The following TRIM62 variants were observed in gnomAD, a reference collection of about 807,000 sequenced individuals.
TRIM62 encodes the protein E3 ubiquitin-protein ligase TRIM62.
In TRIM62, 39 loss-of-function variants were observed where a neutral mutation model predicts 44.2. The ratio of observed to expected loss-of-function variants is 0.88; its 90% CI spans 0.68 to 1.15. The LOEUF (loss-of-function observed/expected upper bound fraction) is 1.15. TRIM62 is among the 50% of genes most tolerant of loss of function. The pLI is 0.00. For synonymous variants in TRIM62, 278 were observed against 292.3 expected, an observed-to-expected ratio of 0.95 and a Z score of 0.50; for missense variants, 544 against 665.5, an observed-to-expected ratio of 0.82 and a Z score of 2.01.
At chr1:33,180,915 A>G in intron 1 of TRIM62, 110 bp downstream of exon 1, 1 of 480,844 alleles carries the variant, frequency 2.1e-6, no homozygotes, top group Non-Finnish European at 2.8e-6. Context: ...GCCCCGCCCC[A>G]GGACCATTCT....
At chr1:33,176,340 C>T (rs1645418915) in intron 1 of TRIM62, 3 of 641,376 alleles carry the variant, frequency 4.7e-6, no homozygotes, top group Non-Finnish European at 5.9e-6. Flanking sequence ...AAATTTGAAC[C>T]TAGCCCCCAG....
chr1:33,159,587 G>T lies in TRIM62; in HGVS notation c.761+101C>A, dbSNP rs1645232285. On this transcript the variant is annotated intron_variant, in intron 3 of 4. Transcript: ENST00000291416. The surrounding 1 kb of genome is among the most constrained non-coding windows in gnomAD (Gnocchi z 4.2). ...ATGTTTGATGAAGATTTGAATGAAA[G>T]AATTCTCTGCTAAGGATCCCATCTG... is the stretch of plus-strand genomic sequence containing the variant. 3 of 1,438,040 alleles carry T rather than the reference G, an allele frequency of 2.1e-6. No individual in the cohort carries two copies. Among genetic ancestry groups the T allele is most frequent in the South Asian group, 1.4e-5 (1 of 72,048 alleles). 89.1% of individuals were successfully genotyped at this position (1,438,040 alleles called of 1,614,324 possible). A position where few individuals can be genotyped will look rare whatever the true frequency, so the allele number is the denominator to read the frequency against.
chr1:33,159,925 C>T lies in TRIM62; in HGVS notation c.524G>A (p.Arg175Gln), dbSNP rs748965484. The change falls in exon 3 of 5, where the codon CGG (arginine) becomes CAG (glutamine). Residue 175 changes from arginine (R) to glutamine (Q), a missense_variant. Coordinates refer to ENST00000291416, the MANE Select transcript of TRIM62 (RefSeq NM_018207.3). This position sits in a 1 kb window ranked among gnomAD's most constrained non-coding sequence, Gnocchi z 4.2. ...AETKSSTKSL[R>Q]TTIGEAFERL... ...CTCGAAGGCCTCGCCGATAGTGGTC[C>T]GCAGGCTCTTGGTGGAAGACTGTGG... 17 of 1,605,602 alleles carry T rather than the reference C, an allele frequency of 1.1e-5. No individual in the cohort carries two copies. Among genetic ancestry groups the T allele is most frequent in the South Asian group, 3.3e-5 (3 of 91,052 alleles).
intron 1 of TRIM62, among the ~76,000 whole-genome samples, chr1:33,176,918 G>A (rs1055830130): frequency 6.6e-6 from 1 of 152,164 alleles, no homozygotes; most frequent in Non-Finnish European, 1.5e-5. Flanking sequence ...GACTGGGCTC[G>A]ATGAATATTG....
intron 4 of TRIM62, among the ~76,000 whole-genome samples, chr1:33,157,547 A>G (rs1191702200): frequency 6.7e-6 from 1 of 149,300 alleles, no homozygotes; most frequent in East Asian, 1.9e-4. Flanking sequence ...ACTTTTGTCT[A>G]CTTTCTATCT....
chr1:33,175,968 C>G (rs944284941), intron 1 of TRIM62, among the ~76,000 whole-genome samples: 2 of 152,170 alleles, frequency 1.3e-5, no homozygotes. Flanking sequence ...TACACTGTGG[C>G]CCGTGCTCAG....
intron 2 of TRIM62, among the ~76,000 whole-genome samples, chr1:33,162,430 C>T (rs1645280701): frequency 6.6e-6 from 1 of 152,220 alleles, no homozygotes; most frequent in Admixed American, 6.5e-5. Flanking sequence ...AGCCTTTTGT[C>T]AACAGTCTTA....
intron 2 of TRIM62, 73 bp from the exon 3 acceptor site, chr1:33,160,017 C>G (rs1262084431): frequency 5.5e-5 from 86 of 1,556,556 alleles, no homozygotes; most frequent in Non-Finnish European, 7.1e-5. Flanking sequence ...AGGAGGAAAT[C>G]GAGAGCCTTG....
In TRIM62 at chr1:33,175,699, GCC is replaced by G. The variant is rs1304977398; in HGVS notation, c.408+5324_408+5325del. On this transcript the variant is annotated intron_variant, in intron 1 of 4. Coordinates refer to ENST00000291416, the MANE Select transcript of TRIM62 (RefSeq NM_018207.3). The stretch of plus-strand genomic sequence containing the variant: ...CTTGGGAAGGTTACTGAATCTCTCA[GCC>G]TCATTTTCTTCATCTGTGAGATGGT... 4.1e-4 allele frequency among the ~76,000 whole-genome samples: 62 copies of G among 152,074 alleles called. 1 individual carries two copies. Among genetic ancestry groups the G allele is most frequent in the African/African-American group, 1.3e-3 (55 of 41,400 alleles).
rs368461994 is a variant in TRIM62 at position 33,159,673 on chromosome 1, G to C, written c.761+15C>G. ...GGATGGTCAGCCGGGGAGGGCCCCGGCGGGTGGCACTTACCGCTCGGACAG... is the reference window on the plus strand; with the variant it reads ...GGATGGTCAGCCGGGGAGGGCCCCGCCGGGTGGCACTTACCGCTCGGACAG... On this transcript the variant is annotated intron_variant, in intron 3 of 4. Transcript: ENST00000291416. The surrounding 1 kb of genome is among the most constrained non-coding windows in gnomAD (Gnocchi z 4.2). The C allele has an allele frequency of 1.8e-5, 29 of 1,594,274 alleles. No homozygotes were observed. The highest frequency in any genetic ancestry group is 2.4e-5 in the Non-Finnish European group (28 of 1,170,458).
Position 33,159,797 on chromosome 1 carries a change from A to C in TRIM62, c.652T>G (p.Tyr218Asp). Residue 218 changes from tyrosine to aspartate, a missense_variant, in exon 3 of 5, where the codon TAC becomes GAC. Tyr to Asp is a radical substitution (Grantham distance 160, BLOSUM62 -3). Coordinates refer to ENST00000291416, the MANE Select transcript of TRIM62 (RefSeq NM_018207.3). The surrounding 1 kb of genome is among the most constrained non-coding windows in gnomAD (Gnocchi z 4.2). ...LTDIEQKVQR[Y>D]SQQLRKVQEG... ...TGGACCTTGCGCAGCTGCTGGCTGT[A>C]GCGCTGGACTTTCTGCTCGATGTCG... The C allele has an allele frequency of 6.2e-7, 1 of 1,613,898 alleles. No individual in the cohort carries two copies. Among genetic ancestry groups the C allele is most frequent in the Non-Finnish European group, 8.5e-7 (1 of 1,179,968 alleles).
At chr1:33,152,779 G>A (rs1645119504) in intron 4 of TRIM62, among the ~76,000 whole-genome samples, 1 of 152,128 alleles carries the variant, frequency 6.6e-6, no homozygotes, top group Non-Finnish European at 1.5e-5. Flanking sequence ...GGAGTGCATT[G>A]CTCTGGGTCA....
chr1:33,165,904 C>T lies in TRIM62; in HGVS notation c.409-338G>A, dbSNP rs1645323936. On this transcript the variant is annotated intron_variant, in intron 1 of 4. Transcript: ENST00000291416. This position sits in a 1 kb window ranked among gnomAD's most constrained non-coding sequence, Gnocchi z 4.0. ...AGAATTAAGGCAGGGGTCTCCAACC[C>T]CCAGGCCACAGGTGGGTATTGGTCC... is the stretch of plus-strand genomic sequence containing the variant. The T allele has an allele frequency of 5.3e-6, 1 of 188,640 alleles. No homozygotes were observed. The highest frequency in any genetic ancestry group is 2.3e-5 in the African/African-American group (1 of 42,856). 11.7% of individuals were successfully genotyped at this position (188,640 alleles called of 1,614,324 possible).
intron 4 of TRIM62, among the ~76,000 whole-genome samples, chr1:33,148,406 G>A (rs1645049597): frequency 6.6e-6 from 1 of 152,132 alleles, no homozygotes; most frequent in Non-Finnish European, 1.5e-5. Context: ...TGAAGGGAAG[G>A]CTGCATTTGT....
rs1206753841 is a variant in TRIM62, at chr1:33,165,027, AG to A, written c.504+443del. 1 of 153,020 alleles carries A rather than the reference AG, an allele frequency of 6.5e-6. No homozygotes were observed. Among genetic ancestry groups the A allele is most frequent in the African/African-American group, 2.4e-5 (1 of 41,248 alleles). The allele number at this position is 153,020 out of a possible 1,614,324, so 9.5% of individuals were successfully genotyped here. On this transcript the variant is annotated intron_variant, in intron 2 of 4. Coordinates refer to ENST00000291416, the MANE Select transcript of TRIM62 (RefSeq NM_018207.3). This position sits in a 1 kb window ranked among gnomAD's most constrained non-coding sequence, Gnocchi z 4.0. ...GGCTGGTCTCAAACTCCTGGGCTCA[AG>A]CCATCATCTTGCCTCGGCCTCTGAA...
chr1:33,147,813 G>A lies in TRIM62; in HGVS notation c.878-86C>T. ...AGTGCCTTCCTGAGGGCAGAGTTCT[G>A]GTTGGTACGCAGGAGGCCTCTGACC... is the stretch of plus-strand genomic sequence containing the variant. On this transcript the variant is annotated intron_variant, in intron 4 of 4. Transcript: ENST00000291416. The surrounding 1 kb of genome is among the most constrained non-coding windows in gnomAD (Gnocchi z 8.1). 1 of 1,489,762 alleles carries A rather than the reference G, an allele frequency of 6.7e-7. No homozygotes were observed. Among genetic ancestry groups the A allele is most frequent in the African/African-American group, 1.4e-5 (1 of 72,020 alleles). The allele number at this position is 1,489,762 out of a possible 1,614,324, so 92.3% of individuals were successfully genotyped here.
intron 4 of TRIM62, among the ~76,000 whole-genome samples, chr1:33,156,557 C>G (rs1360298723): frequency 6.6e-6 from 1 of 152,172 alleles, no homozygotes; most frequent in African/African-American, 2.4e-5. Flanking sequence ...TTGGCTGGGT[C>G]CCCCTCTTGT....
intron 4 of TRIM62, among the ~76,000 whole-genome samples, chr1:33,150,322 C>G (rs1459690296): frequency 6.6e-6 from 1 of 152,210 alleles, no homozygotes; most frequent in African/African-American, 2.4e-5. Flanking sequence ...CTGTTGGCTG[C>G]ACTGATGTGC....
chr1:33,165,244 G>A lies in TRIM62; in HGVS notation c.504+227C>T, dbSNP rs1323097670. ...GGCCCCGTCCTTAACCGAGGGACCA[G>A]CCCACATCCTTGCCGCCAGTCATGA... On this transcript the variant is annotated intron_variant, in intron 2 of 4. Transcript: ENST00000291416. This position sits in a 1 kb window ranked among gnomAD's most constrained non-coding sequence, Gnocchi z 4.0. 7.3e-5 allele frequency: 35 copies of A among 479,062 alleles called. 2 individuals are homozygous for A. Among genetic ancestry groups the A allele is most frequent in the Non-Finnish European group, 9.8e-5 (26 of 265,790 alleles). The allele number at this position is 479,062 out of a possible 1,614,324, so 29.7% of individuals were successfully genotyped here.
Sources: allele counts gnomAD v4.1 joint callset (sites outside exome capture counted in the v4.1 genomes callset), GRCh38; gene constraint gnomAD v4.1.1; non-coding constraint Gnocchi (gnomAD v3.1); transcripts MANE v1.5; gene names NCBI Gene and HGNC (gene_info 2026-07-23, HGNC 2026-07-21).